The following ATXN1 variants were observed in gnomAD, a reference collection of about 807,000 sequenced individuals.
The protein encoded by ATXN1 is ataxin 1.
Under a neutral mutation model 56.4 loss-of-function variants are expected in ATXN1, and 8 were observed. The observed-to-expected ratio is 0.14, with a 90% CI of 0.08 to 0.26. The LOEUF is 0.26. Ranked by LOEUF, ATXN1 falls within the 10% of genes least tolerant of loss-of-function variation. ATXN1 has a pLI of 1.00. For missense variants in ATXN1, 987 were observed against 1,106.5 expected, an observed-to-expected ratio of 0.89 and a Z score of 1.53; for synonymous variants, 514 against 494.6, an observed-to-expected ratio of 1.04 and a Z score of -0.52.
chr6:16,427,942 G>T (rs190331904), intron 6 of ATXN1, among the ~76,000 whole-genome samples: 43 of 152,254 alleles, frequency 2.8e-4, no homozygotes. Flanking sequence ...GCTGTGGGAG[G>T]GGGTGCTCAG....
chr6:16,398,816 T>C (rs1421031877), intron 6 of ATXN1, among the ~76,000 whole-genome samples: 1 of 152,252 alleles, frequency 6.6e-6, no homozygotes, highest in Non-Finnish European at 1.5e-5. Context: ...ACACTGCTTA[T>C]GAATTGTAGC....
chr6:16,686,059 T>C (rs1328098998), intron 2 of ATXN1, among the ~76,000 whole-genome samples: 1 of 152,190 alleles, frequency 6.6e-6, no homozygotes, highest in Non-Finnish European at 1.5e-5. Context: ...AAGTCCTCCA[T>C]ACATACATGT....
At chr6:16,494,315 T>C (rs1760731018) in intron 5 of ATXN1, among the ~76,000 whole-genome samples, 1 of 152,236 alleles carries the variant, frequency 6.6e-6, no homozygotes, top group African/African-American at 2.4e-5. Context: ...AGTTATCCAT[T>C]GTAAAATTTC....
At chr6:16,629,006 G>A (rs1268283225) in intron 3 of ATXN1, among the ~76,000 whole-genome samples, 5 of 152,158 alleles carry the variant, frequency 3.3e-5, no homozygotes, top group African/African-American at 9.7e-5. Context: ...TTGCTGGGTC[G>A]AATGGTAGTT....
chr6:16,481,455 T>C (rs1196994931), intron 6 of ATXN1, among the ~76,000 whole-genome samples: 1 of 152,172 alleles, frequency 6.6e-6, no homozygotes, highest in Non-Finnish European at 1.5e-5. Flanking sequence ...TTTTTAAGAC[T>C]TACACAGACA....
intron 7 of ATXN1, among the ~76,000 whole-genome samples, chr6:16,314,864 G>T (rs1424130342): frequency 2.6e-5 from 4 of 152,108 alleles, no homozygotes; most frequent in African/African-American, 9.7e-5. Context: ...GCCTGCCTTG[G>T]CCTCCTAAAG....
At chr6:16,590,989 T>C (rs922652088) in intron 3 of ATXN1, among the ~76,000 whole-genome samples, 2 of 152,064 alleles carry the variant, frequency 1.3e-5, no homozygotes, top group African/African-American at 2.4e-5. Flanking sequence ...ATTACAGGCA[T>C]GCACCACCAC....
At chr6:16,680,789 G>A (rs372903505) in intron 2 of ATXN1, among the ~76,000 whole-genome samples, 95 of 152,288 alleles carry the variant, frequency 6.2e-4, no homozygotes, top group African/African-American at 2.2e-3. Flanking sequence ...CCAAAAGATC[G>A]AAAGATTCTT....
intron 6 of ATXN1, among the ~76,000 whole-genome samples, chr6:16,348,093 G>A (rs1761470870): frequency 6.6e-6 from 1 of 152,170 alleles, no homozygotes; most frequent in South Asian, 2.1e-4. Context: ...CTTGAAGTCA[G>A]TGAGACCAAG....
rs78042397 is a variant in ATXN1, at chr6:16,573,518, C to T, written c.-361+12262G>A. On this transcript the variant is annotated intron_variant, in intron 4 of 7. Transcript: ENST00000436367. ...CCTGTTTCTCCCAACTCTGGCCACC[C>T]TACATACATTGTCACCGGTTTCAGA... Among the ~76,000 whole-genome samples, 1,295 of 152,208 alleles carry T rather than the reference C, an allele frequency of 8.5e-3. 16 individuals are homozygous for T. Among genetic ancestry groups the T allele is most frequent in the African/African-American group, 0.028 (1,166 of 41,522 alleles).
intron 7 of ATXN1, among the ~76,000 whole-genome samples, chr6:16,313,754 C>G (rs1273070044): frequency 8.6e-5 from 13 of 151,912 alleles, no homozygotes; most frequent in Non-Finnish European, 8.8e-5. Context: ...CACGGGGTTT[C>G]ATTCACCATG....
chr6:16,484,557 T>C (rs151134523), intron 6 of ATXN1, among the ~76,000 whole-genome samples: 125 of 152,294 alleles, frequency 8.2e-4, no homozygotes, highest in African/African-American at 2.8e-3. Context: ...ACAGTAGGAA[T>C]AGGATTCAGG....
intron 4 of ATXN1, among the ~76,000 whole-genome samples, chr6:16,562,692 G>A (rs949581074): frequency 2.0e-5 from 3 of 151,952 alleles, no homozygotes; most frequent in African/African-American, 7.3e-5. Flanking sequence ...GGATGACAGA[G>A]AAGAACTGGT....
In ATXN1 at chr6:16,407,374, T is replaced by C. The variant is rs191388309; in HGVS notation, c.-161+78598A>G. 8.8e-4 allele frequency among the ~76,000 whole-genome samples: 134 copies of C among 152,356 alleles called. 1 individual carries two copies. In the East Asian group the frequency reaches 0.022, roughly 25 times the overall value. The stretch of plus-strand genomic sequence containing the variant: ...ACTGCTGTGTCCACCAGTGCCTAAC[T>C]GGACATTTAAATGGCAGAAGCTCTT... On this transcript the variant is annotated intron_variant, in intron 6 of 7. Transcript: ENST00000436367.
At chr6:16,369,052 G>A (rs1208200732) in intron 6 of ATXN1, among the ~76,000 whole-genome samples, 1 of 152,136 alleles carries the variant, frequency 6.6e-6, no homozygotes, top group Non-Finnish European at 1.5e-5. Context: ...TTCAATTAAT[G>A]GGGACCAATA....
intron 4 of ATXN1, among the ~76,000 whole-genome samples, chr6:16,540,099 C>G (rs550338143): frequency 6.6e-6 from 1 of 152,172 alleles, no homozygotes; most frequent in Non-Finnish European, 1.5e-5. Context: ...ACTGGAAGTG[C>G]AATGACAGGG....
chr6:16,732,600 T>C (rs929381940), intron 2 of ATXN1, among the ~76,000 whole-genome samples: 4 of 152,120 alleles, frequency 2.6e-5, no homozygotes, highest in Admixed American at 6.6e-5. Flanking sequence ...TCACTCCATT[T>C]GATAAAGCTC....
intron 2 of ATXN1, among the ~76,000 whole-genome samples, chr6:16,720,137 C>T (rs1759717112): frequency 6.6e-6 from 1 of 152,170 alleles, no homozygotes; most frequent in East Asian, 1.9e-4. Context: ...TGCTCATCCT[C>T]AGATTCTCAT....
At chr6:16,498,362 T>G (rs754975725) in intron 5 of ATXN1, among the ~76,000 whole-genome samples, 1 of 152,236 alleles carries the variant, frequency 6.6e-6, no homozygotes, top group African/African-American at 2.4e-5. Context: ...TTGTAGGCTA[T>G]ACCACATTTT....
Sources: allele counts gnomAD v4.1 joint callset (sites outside exome capture counted in the v4.1 genomes callset), GRCh38; gene constraint gnomAD v4.1.1; transcripts MANE v1.5; gene names NCBI Gene and HGNC (gene_info 2026-07-23, HGNC 2026-07-21).